The following PHF5A variants were observed in gnomAD, a reference collection of about 807,000 sequenced individuals.
PHF5A encodes the protein PHD finger-like domain-containing protein 5A.
For synonymous variants in PHF5A, 52 were observed against 46.0 expected, an observed-to-expected ratio of 1.13 and a Z score of -0.52; for missense variants, 24 against 140.6, an observed-to-expected ratio of 0.17 and a Z score of 4.19.
intron 3 of PHF5A, 79 bp downstream of exon 3, chr22:41,467,369 G>A (rs546808255): frequency 2.2e-6 from 3 of 1,391,362 alleles, no homozygotes; most frequent in African/African-American, 1.4e-5. Flanking sequence ...AATCTCCATA[G>A]ACCATAGGAG....
In PHF5A at chr22:41,467,436, C is replaced by G. The variant is rs1398312835; in HGVS notation, c.243+12G>C. The G allele has an allele frequency of 6.2e-7, 1 of 1,613,226 alleles. No homozygotes were observed. Among genetic ancestry groups the G allele is most frequent in the Non-Finnish European group, 8.5e-7 (1 of 1,179,818 alleles). On this transcript the variant is annotated intron_variant, in intron 3 of 3. Transcript: ENST00000216252. ...AAAGGAGGAAAGGTCAGATGGAAAGCTGTACACTTACGTCCTTCTCCTGGA... is the reference window on the plus strand; with the variant it reads ...AAAGGAGGAAAGGTCAGATGGAAAGGTGTACACTTACGTCCTTCTCCTGGA...
chr22:41,460,561 C>T, intron 3 of PHF5A, 74 bp from the exon 4 acceptor site: 4 of 1,266,192 alleles, frequency 3.2e-6, no homozygotes, highest in South Asian at 1.4e-5. Flanking sequence ...AAAATTTAAG[C>T]CCAGTGTGGT....
At chr22:41,462,388 A>C (rs934074118) in intron 3 of PHF5A, among the ~76,000 whole-genome samples, 27 of 152,206 alleles carry the variant, frequency 1.8e-4, no homozygotes, top group Admixed American at 1.6e-3. Flanking sequence ...CAACAACTAC[A>C]AAAATCTCTG....
intron 3 of PHF5A, among the ~76,000 whole-genome samples, chr22:41,465,608 G>A (rs949578579): frequency 1.3e-5 from 2 of 152,058 alleles, no homozygotes; most frequent in Non-Finnish European, 2.9e-5. Flanking sequence ...AAGGCCAGGC[G>A]TGATGGCTCA....
intron 1 of PHF5A, 75 bp from the exon 2 acceptor site, chr22:41,468,222 T>C: frequency 6.1e-6 from 9 of 1,472,208 alleles, no homozygotes; most frequent in Admixed American, 3.4e-5. Flanking sequence ...ATCCTCGAGC[T>C]GGGGGTAGGG....
chr22:41,468,199 AGAG>A lies in PHF5A; in HGVS notation c.53-55_53-53del, dbSNP rs760246074. On this transcript the variant is annotated intron_variant, in intron 1 of 3. Coordinates refer to ENST00000216252, the MANE Select transcript of PHF5A (RefSeq NM_032758.4). ...ACAATTAGAATAAAGGTTTTGAGAA[AGAG>A]GAGAAGTACATCCTCGAGCTGGGGG... 121 of 1,601,400 alleles carry A rather than the reference AGAG, an allele frequency of 7.6e-5. No homozygotes were observed. The East Asian group carries it at 2.3e-3, about 31-fold the overall frequency.
intron 3 of PHF5A, among the ~76,000 whole-genome samples, chr22:41,466,699 A>C (rs2037868621): frequency 6.6e-6 from 1 of 152,080 alleles, no homozygotes; most frequent in Admixed American, 6.5e-5. Flanking sequence ...AATGAAAAAT[A>C]TGTTTTTTTG....
At chr22:41,462,345 A>T (rs2037833318) in intron 3 of PHF5A, among the ~76,000 whole-genome samples, 2 of 152,160 alleles carry the variant, frequency 1.3e-5, no homozygotes, top group African/African-American at 4.8e-5. Context: ...CTCATTTCTA[A>T]CTCAACTAAT....
rs767004272 is a variant in PHF5A at position 41,468,563 on chromosome 22, A to AC, written c.52+38dup. 15 of 1,609,470 alleles carry AC rather than the reference A, an allele frequency of 9.3e-6. 1 individual carries two copies. Among genetic ancestry groups the AC allele is most frequent in the Admixed American group, 5.0e-5 (3 of 59,786 alleles). On this transcript the variant is annotated intron_variant, in intron 1 of 3. Transcript: ENST00000216252. ...CCCCGACCCCCCAGCTCCTAATACC[A>AC]CCCCTGCCCAGACAGCCAGGGGTAG... is the stretch of plus-strand genomic sequence containing the variant.
At chr22:41,466,473 T>C (rs915741650) in intron 3 of PHF5A, among the ~76,000 whole-genome samples, 1 of 152,234 alleles carries the variant, frequency 6.6e-6, no homozygotes, top group Non-Finnish European at 1.5e-5. Context: ...TTTGTCACGA[T>C]ATACACCCAA....
intron 3 of PHF5A, among the ~76,000 whole-genome samples, chr22:41,463,881 A>G (rs2037846057): frequency 6.6e-6 from 1 of 151,972 alleles, no homozygotes; most frequent in Non-Finnish European, 1.5e-5. Flanking sequence ...GTGACAAGAA[A>G]GAAACTGCGT....
chr22:41,462,571 T>C (rs1022243613), intron 3 of PHF5A, among the ~76,000 whole-genome samples: 1 of 152,204 alleles, frequency 6.6e-6, no homozygotes, highest in African/African-American at 2.4e-5. Flanking sequence ...AATGAGGCAC[T>C]AGCTGCCTCT....
At chr22:41,463,841 C>A (rs1002177191) in intron 3 of PHF5A, among the ~76,000 whole-genome samples, 12 of 151,370 alleles carry the variant, frequency 7.9e-5, no homozygotes, top group Non-Finnish European at 1.3e-4. Flanking sequence ...TTGTAATGAG[C>A]CGAGATCGTG....
intron 3 of PHF5A, among the ~76,000 whole-genome samples, chr22:41,462,206 T>A (rs1007457323): frequency 3.9e-5 from 6 of 152,134 alleles, no homozygotes; most frequent in South Asian, 2.1e-4. Flanking sequence ...TTAGGGATGA[T>A]GGGAGAAAAA....
chr22:41,468,521 A>G (rs566810695), intron 1 of PHF5A, 81 bp downstream of exon 1: 9 of 1,481,886 alleles, frequency 6.1e-6, no homozygotes, highest in Admixed American at 1.7e-5. Context: ...GCAAGCCCCT[A>G]AGGAAGAGAC....
Position 41,460,390 on chromosome 22 carries a change from C to T in PHF5A, c.*8G>A. The T allele has an allele frequency of 1.9e-6, 3 of 1,590,360 alleles. No homozygotes were observed. Among genetic ancestry groups the T allele is most frequent in the African/African-American group, 1.3e-5 (1 of 74,650 alleles). ...TGATGTTGGGGGGAGGAAGGGGCCACCCACCAATCACCTCTTCTTGAAGCC... is the reference window on the plus strand; with the variant it reads ...TGATGTTGGGGGGAGGAAGGGGCCATCCACCAATCACCTCTTCTTGAAGCC... On this transcript the variant is annotated 3_prime_UTR_variant, in exon 4 of 4. Coordinates refer to ENST00000216252, the MANE Select transcript of PHF5A (RefSeq NM_032758.4).
At chr22:41,468,267 G>T (rs1184996474) in intron 1 of PHF5A, 120 bp from the exon 2 acceptor site, 3 of 892,548 alleles carry the variant, frequency 3.4e-6, no homozygotes, top group East Asian at 2.5e-5. Context: ...GAGACCTGCG[G>T]ATAGCCATTT....
intron 3 of PHF5A, among the ~76,000 whole-genome samples, chr22:41,467,240 G>C (rs1030457661): frequency 5.3e-5 from 8 of 151,976 alleles, no homozygotes; most frequent in Non-Finnish European, 1.0e-4. Context: ...TCTTGACAAA[G>C]ATTTGCTTCC....
intron 3 of PHF5A, among the ~76,000 whole-genome samples, chr22:41,463,724 C>CAAAAAAAAAAAAAA (rs11387908): frequency 1.7e-5 from 1 of 59,066 alleles, no homozygotes; most frequent in African/African-American, 7.4e-5. Flanking sequence ...GACTCTGTCT[C>CAAAAAAAAAAAAAA]AAAAAAAAAA....
Sources: allele counts gnomAD v4.1 joint callset (sites outside exome capture counted in the v4.1 genomes callset), GRCh38; gene constraint gnomAD v4.1.1; transcripts MANE v1.5; gene names NCBI Gene and HGNC (gene_info 2026-07-23, HGNC 2026-07-21).